Variants in CNNM3 observed in about 807,000 individuals in gnomAD.
CNNM3 encodes the protein cyclin and CBS domain divalent metal cation transport mediator 3.
Under a neutral mutation model 57.1 loss-of-function variants are expected in CNNM3, and 47 were observed. The observed-to-expected ratio is 0.82, with a 90% CI of 0.65 to 1.05. The LOEUF is 1.05. CNNM3 is among the 50% of genes least tolerant of loss of function. CNNM3 has a pLI of 0.00. For synonymous variants in CNNM3, 507 were observed against 478.2 expected, an observed-to-expected ratio of 1.06 and a Z score of -0.79; for missense variants, 957 against 973.7, an observed-to-expected ratio of 0.98 and a Z score of 0.23.
chr2:96,820,421 A>G (rs1013259747), intron 1 of CNNM3, among the ~76,000 whole-genome samples: 2 of 152,286 alleles, frequency 1.3e-5, no homozygotes, highest in South Asian at 2.1e-4. Context: ...TTGATGTGAA[A>G]TGCAAGTGGG....
chr2:96,817,169 G>T lies in CNNM3; in HGVS notation c.892G>T (p.Gly298Cys). ...GGTGCTGGAGCTGGCGCGCGGCGGC[G>T]GCGACCCCTACAGCGATCTCAGCAA... ...ERVLELARGG[G>C]DPYSDLSKGV... Residue 298 changes from glycine to cysteine, a missense_variant, in exon 1 of 8, where the codon GGC becomes TGC. Physicochemically the swap from Gly to Cys is radical, Grantham distance 159. Transcript: ENST00000305510. 6.9e-7 allele frequency: 1 copy of T among 1,445,378 alleles called. No individual in the cohort carries two copies. The highest frequency in any genetic ancestry group is 9.0e-7 in the Non-Finnish European group (1 of 1,107,728). The allele number at this position is 1,445,378 out of a possible 1,614,324, so 89.5% of individuals were successfully genotyped here. A position where few individuals can be genotyped will look rare whatever the true frequency, so the allele number is the denominator to read the frequency against.
rs1369514307 is a variant in CNNM3, at chr2:96,833,167, C to T, written c.*551C>T. ...ATGGTGTCATGTTTCAGCGCATGCG[C>T]CCCAGCCTTTCCCATGTGCCAAACC... On this transcript the variant is annotated 3_prime_UTR_variant, in exon 8 of 8. Coordinates refer to ENST00000305510, the MANE Select transcript of CNNM3 (RefSeq NM_017623.5). The T allele has an allele frequency of 2.1e-6, 1 of 483,888 alleles. No homozygotes were observed. Among genetic ancestry groups the T allele is most frequent in the Non-Finnish European group, 3.5e-6 (1 of 281,850 alleles). The allele number at this position is 483,888 out of a possible 1,614,324, so 30.0% of individuals were successfully genotyped here. A position where few individuals can be genotyped will look rare whatever the true frequency, so the allele number is the denominator to read the frequency against.
rs573290906 is a variant in CNNM3, at chr2:96,816,277, G to C, written c.-1G>C. 1 of 1,309,990 alleles carries C rather than the reference G, an allele frequency of 7.6e-7. No homozygotes were observed. Among genetic ancestry groups the C allele is most frequent in the East Asian group, 3.0e-5 (1 of 33,684 alleles). 81.1% of individuals were successfully genotyped at this position (1,309,990 alleles called of 1,614,324 possible). On this transcript the variant is annotated 5_prime_UTR_variant, in exon 1 of 8. Transcript: ENST00000305510. ...GAGAGGCCGAGAGGGGGCAGCAGGC[G>C]ATGGCGGCGGCGGTAGCTGCGGCGG...
intron 1 of CNNM3, among the ~76,000 whole-genome samples, 191 bp downstream of exon 1, chr2:96,817,693 G>T (rs200367643): frequency 2.0e-5 from 3 of 151,958 alleles, no homozygotes; most frequent in South Asian, 2.1e-4. Flanking sequence ...AAAGGCCATC[G>T]ATCAGAGTGG....
chr2:96,817,595 C>T (rs544746958), intron 1 of CNNM3, 93 bp downstream of exon 1: 9 of 1,300,552 alleles, frequency 6.9e-6, no homozygotes, highest in African/African-American at 1.5e-5. Context: ...GGAAAGGGTC[C>T]CACCCCTGTG....
intron 2 of CNNM3, 92 bp downstream of exon 2, chr2:96,825,293 G>T: frequency 8.8e-6 from 13 of 1,471,436 alleles, no homozygotes; most frequent in Non-Finnish European, 1.0e-5. Context: ...CCTCTGTGCT[G>T]CTGGAACCCA....
At position 96,816,422 on chromosome 2, in the gene CNNM3, G is replaced by A; in HGVS notation, c.145G>A (p.Val49Ile). 7.2e-7 allele frequency: 1 copy of A among 1,383,582 alleles called. No individual in the cohort carries two copies. The highest frequency in any genetic ancestry group is 1.7e-5 in the South Asian group (1 of 59,342). The allele number at this position is 1,383,582 out of a possible 1,614,324, so 85.7% of individuals were successfully genotyped here. A position where few individuals can be genotyped will look rare whatever the true frequency, so the allele number is the denominator to read the frequency against. The change falls in exon 1 of 8, where the codon GTA becomes ATA. Residue 49 changes from valine to isoleucine, a missense_variant. Physicochemically the swap from Val to Ile is conservative, Grantham distance 29. Around this residue, in one of 2 missense-constraint regions of CNNM3, gnomAD observed 466 missense variants for 403.1 expected, o/e 1.16. Coordinates refer to ENST00000305510, the MANE Select transcript of CNNM3 (RefSeq NM_017623.5). ...EEDGAAGAGW[V>I]RGGAARDTPD... is the part of the protein sequence containing the mutation. ...GGATGGAGCGGCGGGCGCGGGTTGG[G>A]TACGCGGAGGGGCGGCGCGGGACAC...
Position 96,826,993 on chromosome 2 carries a change from A to C in CNNM3, c.1519+11A>C. ...GCTTCCTGTCCCGAGGTGAGGCGGG[A>C]GGGTGGTCCATGCCCCCTGCTCTCC... On this transcript the variant is annotated intron_variant, in intron 3 of 7. Coordinates refer to ENST00000305510, the MANE Select transcript of CNNM3 (RefSeq NM_017623.5). 1 of 1,612,774 alleles carries C rather than the reference A, an allele frequency of 6.2e-7. No homozygotes were observed. The highest frequency in any genetic ancestry group is 8.5e-7 in the Non-Finnish European group (1 of 1,179,420).
rs1480642775 is a variant in CNNM3 at position 96,833,754 on chromosome 2, G to A, written c.*1138G>A. On this transcript the variant is annotated 3_prime_UTR_variant, in exon 8 of 8. Transcript: ENST00000305510. ...TCATAGATTGGGTAGGGAGGGAGGA[G>A]GATTTCTGGAACTTTTCTCAAAGGA... 6.6e-6 allele frequency: 1 copy of A among 152,086 alleles called. No individual in the cohort carries two copies. The highest frequency in any genetic ancestry group is 2.4e-5 in the African/African-American group (1 of 41,376). 9.4% of individuals were successfully genotyped at this position (152,086 alleles called of 1,614,324 possible). A position where few individuals can be genotyped will look rare whatever the true frequency, so the allele number is the denominator to read the frequency against.
Position 96,827,834 on chromosome 2 carries a change from G to GCTGGCCACACAC in CNNM3, c.1625_1636dup (p.Leu542_His545dup), listed in dbSNP as rs1415030488. The GCTGGCCACACAC allele has an allele frequency of 6.2e-7, 1 of 1,614,166 alleles. No individual in the cohort carries two copies. The highest frequency in any genetic ancestry group is 8.5e-7 in the Non-Finnish European group (1 of 1,180,020). ...AAGTGAGGTTTGACGAGAGCAACCG[G>GCTGGCCACACAC]CTGGCCACACACCACTACCTGTACC... On this transcript the variant is annotated inframe_insertion, in exon 4 of 8. Transcript: ENST00000305510.
At position 96,820,012 on chromosome 2, in the gene CNNM3, C is replaced by CG. The variant is rs1236509227; in HGVS notation, c.1225+2517dup. Among the ~76,000 whole-genome samples, 17 of 152,202 alleles carry CG rather than the reference C, an allele frequency of 1.1e-4. No homozygotes were observed. In the East Asian group the frequency reaches 2.3e-3, roughly 21 times the overall value. ...AGCGCAGAGGCAGGATGTCCCCTGG[C>CG]GGGGGGGCTTGTGTGCTGTGTAAGG... On this transcript the variant is annotated intron_variant, in intron 1 of 7. Transcript: ENST00000305510.
chr2:96,829,516 G>T (rs1386876889), intron 7 of CNNM3, among the ~76,000 whole-genome samples: 2 of 151,426 alleles, frequency 1.3e-5, no homozygotes, highest in Non-Finnish European at 2.9e-5. Flanking sequence ...GGCCAGGCTG[G>T]TCTTGAACTC....
Position 96,827,864 on chromosome 2 carries a change from C to T in CNNM3, c.1653C>T (p.Arg551=), listed in dbSNP as rs1232583836. The part of the protein sequence containing the change: ...RLATHHYLYQ[R]SQPVDYFILI... Reference sequence around the variant, plus strand: ...CCACACACCACTACCTGTACCAGCGCAGCCAGCCGGTGGATTACTTCATTC... The same window carrying T: ...CCACACACCACTACCTGTACCAGCGTAGCCAGCCGGTGGATTACTTCATTC... Residue 551 remains arginine (R), a synonymous_variant, in exon 4 of 8, where the codon CGC becomes CGT. Coordinates refer to ENST00000305510, the MANE Select transcript of CNNM3 (RefSeq NM_017623.5). 4.3e-5 allele frequency: 70 copies of T among 1,613,822 alleles called. No individual in the cohort carries two copies. Among genetic ancestry groups the T allele is most frequent in the Non-Finnish European group, 5.8e-5 (69 of 1,179,884 alleles).
chr2:96,832,380 T>A, intron 7 of CNNM3, 172 bp from the exon 8 acceptor site: 1 of 1,490,856 alleles, frequency 6.7e-7, no homozygotes, highest in Non-Finnish European at 8.9e-7. Context: ...AGGCATCTGT[T>A]GGCTGACCAT....
At chr2:96,823,161 T>C (rs1218812353) in intron 1 of CNNM3, among the ~76,000 whole-genome samples, 1 of 152,212 alleles carries the variant, frequency 6.6e-6, no homozygotes, top group East Asian at 1.9e-4. Flanking sequence ...CAGGGCCTGC[T>C]TTCTTCTGTT....
At chr2:96,827,102 CTTCTGTG>C (rs2079520924) in intron 3 of CNNM3, 120 bp downstream of exon 3, 1 of 1,087,854 alleles carries the variant, frequency 9.2e-7, no homozygotes, top group South Asian at 1.6e-5. Context: ...GTCTTGAGGA[CTTCTGTG>C]TTCTCTGCAG....
chr2:96,816,509 TG>T lies in CNNM3; in HGVS notation c.235del (p.Val79TrpfsTer78). The T allele has an allele frequency of 7.1e-7, 1 of 1,416,464 alleles. No homozygotes were observed. Among genetic ancestry groups the T allele is most frequent in the African/African-American group, 1.5e-5 (1 of 66,820 alleles). The allele number at this position is 1,416,464 out of a possible 1,614,324, so 87.7% of individuals were successfully genotyped here. ...GGGCTTCGCCAACAGCTCTTGGTCC[TG>T]GGTGGCCCCGGAGGGGGCGGGCTGC... ...GPGFANSSWS[W>X]VAPEGAGCRE... On this transcript the variant is annotated frameshift_variant, in exon 1 of 8. Coordinates refer to ENST00000305510, the MANE Select transcript of CNNM3 (RefSeq NM_017623.5). LOFTEE classifies it high-confidence loss of function.
chr2:96,832,281 G>A (rs1325665468), intron 7 of CNNM3: 9 of 985,174 alleles, frequency 9.1e-6, no homozygotes, highest in Middle Eastern at 5.2e-4. Context: ...GTGCTGTATC[G>A]TCCCGGGAAG....
At position 96,816,279 on chromosome 2, in the gene CNNM3, T is replaced by TGGCGGCGGCGGTAGC. The variant is rs2079313686; in HGVS notation, c.3_17dup (p.Ala4_Ala8dup). The TGGCGGCGGCGGTAGC allele has an allele frequency of 6.9e-6, 9 of 1,309,922 alleles. No individual in the cohort carries two copies. Among genetic ancestry groups the TGGCGGCGGCGGTAGC allele is most frequent in the Admixed American group, 3.5e-5 (1 of 28,718 alleles). The allele number at this position is 1,309,922 out of a possible 1,614,324, so 81.1% of individuals were successfully genotyped here. On this transcript the variant is annotated inframe_insertion, in exon 1 of 8. Transcript: ENST00000305510. ...GAGGCCGAGAGGGGGCAGCAGGCGA[T>TGGCGGCGGCGGTAGC]GGCGGCGGCGGTAGCTGCGGCGGGT... is the stretch of plus-strand genomic sequence containing the variant.
Sources: gnomAD v4.1 joint callset for allele counts (sites outside exome capture counted in the v4.1 genomes callset) on GRCh38, gnomAD v4.1.1 for gene constraint, gnomAD v4.1.1 regional missense constraint, MANE v1.5 for transcripts, NCBI Gene and HGNC (gene_info 2026-07-23, HGNC 2026-07-21) for gene names.